Variants in CRADD observed in about 807,000 individuals in gnomAD.
The protein encoded by CRADD is CARD and death domain containing adaptor protein.
A neutral mutation model predicts 15.5 loss-of-function variants in CRADD; 9 were observed. The ratio of observed to expected loss-of-function variants is 0.58; its 90% CI spans 0.35 to 1.01. The LOEUF is 1.01. Ranked by LOEUF, CRADD falls within the 50% of genes least tolerant of loss-of-function variation. The pLI, the probability that CRADD is intolerant of heterozygous loss-of-function variation, is 0.02. For synonymous variants in CRADD, 118 were observed against 107.6 expected, an observed-to-expected ratio of 1.10 and a Z score of -0.60; for missense variants, 227 against 250.3, an observed-to-expected ratio of 0.91 and a Z score of 0.63.
At chr12:93,823,518 A>C (rs981551651) in intron 2 of CRADD, among the ~76,000 whole-genome samples, 1 of 152,204 alleles carries the variant, frequency 6.6e-6, no homozygotes, top group African/African-American at 2.4e-5. Flanking sequence ...AATTGGTTGG[A>C]TCAACAGGGT....
chr12:93,753,254 C>G (rs972469921), intron 2 of CRADD, among the ~76,000 whole-genome samples: 3 of 152,146 alleles, frequency 2.0e-5, no homozygotes, highest in South Asian at 2.1e-4. Context: ...AAAAACCCAC[C>G]TCCATGATTC....
At chr12:93,746,573 C>T (rs190039856) in intron 2 of CRADD, among the ~76,000 whole-genome samples, 5 of 152,112 alleles carry the variant, frequency 3.3e-5, no homozygotes, top group Non-Finnish European at 7.3e-5. Context: ...TACAGTTAGG[C>T]CCCAACCCGG....
intron 2 of CRADD, among the ~76,000 whole-genome samples, chr12:93,734,532 A>G (rs574847972): frequency 6.6e-6 from 1 of 152,294 alleles, no homozygotes; most frequent in South Asian, 2.1e-4. Context: ...TACTTCAATC[A>G]TAGGTAGCCA....
intron 2 of CRADD, among the ~76,000 whole-genome samples, chr12:93,813,015 G>A (rs966665812): frequency 5.3e-5 from 8 of 152,088 alleles, no homozygotes; most frequent in Non-Finnish European, 7.3e-5. Context: ...AAATTAGTGC[G>A]GGAAGAAAAG....
chr12:93,711,055 CTTT>C (rs397850463), intron 2 of CRADD, among the ~76,000 whole-genome samples: 1 of 43,508 alleles, frequency 2.3e-5, no homozygotes, highest in Non-Finnish European at 4.4e-5. Context: ...CCACCCCCGC[CTTT>C]TTTTTTTTTT....
At chr12:93,779,440 CAT>C (rs1957175518) in intron 2 of CRADD, among the ~76,000 whole-genome samples, 1 of 151,496 alleles carries the variant, frequency 6.6e-6, no homozygotes, top group East Asian at 1.9e-4. Flanking sequence ...AGGAAAAAAA[CAT>C]AGATTTTTCA....
rs557495523 is a variant in CRADD, at chr12:93,763,900, C to T, written c.298+84828C>T. Among the ~76,000 whole-genome samples, 550 of 152,276 alleles carry T rather than the reference C, an allele frequency of 3.6e-3. 5 individuals are homozygous for T. Among genetic ancestry groups the T allele is most frequent in the Middle Eastern group, 0.027 (8 of 294 alleles). ...AGAAATGTTCATCAGTGTCTGCTGC[C>T]GCCTACCTGTGGCCTTCTTGTTAAA... On this transcript the variant is annotated intron_variant, in intron 2 of 2. Coordinates refer to ENST00000332896, the MANE Select transcript of CRADD (RefSeq NM_003805.5).
intron 2 of CRADD, among the ~76,000 whole-genome samples, chr12:93,836,843 C>T (rs974251463): frequency 5.9e-5 from 9 of 152,180 alleles, no homozygotes; most frequent in African/African-American, 1.2e-4. Flanking sequence ...CCCCTGCCTG[C>T]GAGACACTTA....
intron 2 of CRADD, chr12:93,815,169 T>C (rs1957681584): frequency 6.6e-6 from 1 of 152,244 alleles, no homozygotes; most frequent in African/African-American, 2.4e-5. Flanking sequence ...GGAATCCGAC[T>C]ATGTTTTCTA....
intron 2 of CRADD, among the ~76,000 whole-genome samples, chr12:93,872,870 G>A (rs1272140612): frequency 6.6e-6 from 1 of 151,976 alleles, no homozygotes; most frequent in East Asian, 1.9e-4. Context: ...TTTTTGCTTA[G>A]GATATCTTTG....
At chr12:93,847,264 C>T (rs1020717083) in intron 2 of CRADD, among the ~76,000 whole-genome samples, 39 of 151,454 alleles carry the variant, frequency 2.6e-4, no homozygotes, top group African/African-American at 9.0e-4. Flanking sequence ...CATCAGCAAC[C>T]CCTACCATAA....
chr12:93,859,970 T>C (rs1262897580), intron 2 of CRADD, among the ~76,000 whole-genome samples: 1 of 151,662 alleles, frequency 6.6e-6, no homozygotes, highest in Non-Finnish European at 1.5e-5. Context: ...GCTCAAGCCA[T>C]CCTCCTGCCT....
intron 2 of CRADD, among the ~76,000 whole-genome samples, chr12:93,747,450 C>T (rs1378869561): frequency 6.6e-6 from 1 of 151,438 alleles, no homozygotes; most frequent in African/African-American, 2.4e-5. Flanking sequence ...TTTCCTTCCT[C>T]TTAATTTTTC....
intron 2 of CRADD, among the ~76,000 whole-genome samples, chr12:93,863,006 G>T (rs934578932): frequency 6.6e-6 from 1 of 152,162 alleles, no homozygotes; most frequent in African/African-American, 2.4e-5. Context: ...AGCATATTAT[G>T]GGGCACATGG....
intron 2 of CRADD, among the ~76,000 whole-genome samples, chr12:93,680,857 T>C (rs537143459): frequency 6.6e-6 from 1 of 152,284 alleles, no homozygotes; most frequent in South Asian, 2.1e-4. Flanking sequence ...CAGATCATGC[T>C]GTTGTATGTC....
intron 2 of CRADD, among the ~76,000 whole-genome samples, chr12:93,732,547 C>T (rs563360191): frequency 6.6e-6 from 1 of 152,172 alleles, no homozygotes; most frequent in Non-Finnish European, 1.5e-5. Flanking sequence ...GGTTTTTTGA[C>T]CCTGTTCTTC....
intron 2 of CRADD, among the ~76,000 whole-genome samples, chr12:93,704,433 A>G (rs1297648582): frequency 2.0e-5 from 3 of 152,120 alleles, no homozygotes; most frequent in Non-Finnish European, 1.5e-5. Flanking sequence ...ACATTGTTCT[A>G]GCCAAAAACT....
chr12:93,858,480 T>A (rs1311410275), intron 2 of CRADD, among the ~76,000 whole-genome samples: 1 of 152,212 alleles, frequency 6.6e-6, no homozygotes, highest in East Asian at 1.9e-4. Context: ...TTAGATTAAG[T>A]TCAACATTGT....
chr12:93,832,060 A>ATT (rs5800117), intron 2 of CRADD, among the ~76,000 whole-genome samples: 1 of 152,064 alleles, frequency 6.6e-6, no homozygotes, highest in Non-Finnish European at 1.5e-5. Context: ...TTTATGATTG[A>ATT]TTTTTTTAAC....
Sources: gnomAD v4.1 joint callset for allele counts (sites outside exome capture counted in the v4.1 genomes callset) on GRCh38, gnomAD v4.1.1 for gene constraint, MANE v1.5 for transcripts, NCBI Gene and HGNC (gene_info 2026-07-23, HGNC 2026-07-21) for gene names.